The following DOCK9 variants were observed in gnomAD, a reference collection of about 807,000 sequenced individuals.
DOCK9 encodes the protein dedicator of cytokinesis 9, also known as dedicator of cytokinesis protein 9.
In DOCK9, 89 loss-of-function variants were observed where a neutral mutation model predicts 263.3. The observed-to-expected ratio is 0.34, with a 90% confidence interval of 0.28 to 0.40. DOCK9 has a LOEUF of 0.40. Ranked by LOEUF, DOCK9 falls within the 10% of genes least tolerant of loss-of-function variation. The pLI, the probability that DOCK9 is intolerant of heterozygous loss-of-function variation, is 1.00. For synonymous variants in DOCK9, 976 were observed against 973.1 expected, an observed-to-expected ratio of 1.00 and a Z score of -0.06; for missense variants, 2,140 against 2,603.4, an observed-to-expected ratio of 0.82 and a Z score of 3.87.
intron 9 of DOCK9, among the ~76,000 whole-genome samples, chr13:98,912,510 C>A (rs2050221034): frequency 6.6e-6 from 1 of 152,114 alleles, no homozygotes; most frequent in South Asian, 2.1e-4. Flanking sequence ...CTTAACCTAA[C>A]TTGTAACCCA....
chr13:99,072,860 T>A (rs2041741166), intron 1 of DOCK9, among the ~76,000 whole-genome samples: 1 of 152,060 alleles, frequency 6.6e-6, no homozygotes, highest in South Asian at 2.1e-4. Context: ...GAGCCAGGCA[T>A]CATGGCACAC....
At chr13:98,994,658 T>A (rs1188518288) in intron 1 of DOCK9, among the ~76,000 whole-genome samples, 1 of 151,976 alleles carries the variant, frequency 6.6e-6, no homozygotes, top group African/African-American at 2.4e-5. Flanking sequence ...TATGTAATTA[T>A]ATATCTAATA....
In DOCK9 at chr13:98,951,540, G is replaced by A. The variant is rs376796789; in HGVS notation, c.243+3895C>T. Among the ~76,000 whole-genome samples the A allele has an allele frequency of 1.6e-3, 249 of 152,326 alleles. 8 individuals carry two copies. In the South Asian group the frequency reaches 0.047, roughly 29 times the overall value. On this transcript the variant is annotated intron_variant, in intron 2 of 52. Transcript: ENST00000682017. ...CCACAGCACGGGGCGGGATGCCTGC[G>A]TGCAAGAAGCCTAAGAAGTAGGTCG...
At position 98,829,319 on chromosome 13, in the gene DOCK9, G is replaced by A. The variant is rs760897645; in HGVS notation, c.4953C>T (p.Gly1651=). ...DSMARIHVKN[G]DLSEAAMCYV... is the part of the protein sequence containing the mutation. The stretch of plus-strand genomic sequence containing the variant: ...GCAGGGCTACTACCTCTGAGAGATC[G>A]CCATTTTTGACATGGATCCTGGCCA... Residue 1651 remains glycine, a synonymous_variant, in exon 43 of 53, where the codon GGC becomes GGT. Transcript: ENST00000682017. This position sits in a 1 kb window ranked among gnomAD's most constrained non-coding sequence, Gnocchi z 4.1. 21 of 1,611,638 alleles carry A rather than the reference G, an allele frequency of 1.3e-5. No homozygotes were observed. Among genetic ancestry groups the A allele is most frequent in the South Asian group, 7.7e-5 (7 of 90,510 alleles).
upstream of DOCK9, among the ~76,000 whole-genome samples, chr13:98,982,747 G>GAAATTTTT (rs1877501891): frequency 6.6e-6 from 1 of 152,142 alleles, no homozygotes; most frequent in African/African-American, 2.4e-5. Flanking sequence ...GCTTTCAATT[G>GAAATTTTT]CTTGAAAATA....
intron 1 of DOCK9, among the ~76,000 whole-genome samples, chr13:99,078,773 G>A (rs747669335): frequency 6.6e-6 from 1 of 152,180 alleles, no homozygotes; most frequent in South Asian, 2.1e-4. Flanking sequence ...AAGTGGCTTC[G>A]CTCTGAGGGC....
At chr13:99,003,662 G>C (rs55952325) in intron 1 of DOCK9, among the ~76,000 whole-genome samples, 78,815 of 151,340 alleles carry the variant, frequency 0.52, 20,744 homozygotes, top group South Asian at 0.68. Context: ...TTGACTCCTT[G>C]TCTCTTATTT....
chr13:98,852,601 T>C (rs2093604399), intron 35 of DOCK9, among the ~76,000 whole-genome samples: 1 of 152,198 alleles, frequency 6.6e-6, no homozygotes, highest in South Asian at 2.1e-4. Flanking sequence ...AAATGGCACT[T>C]TGTTTTTAGG....
rs755806803 is a variant in DOCK9 at position 98,809,434 on chromosome 13, C to T, written c.5285G>A (p.Arg1762Gln). 35 of 1,611,910 alleles carry T rather than the reference C, an allele frequency of 2.2e-5. No individual in the cohort carries two copies. Among genetic ancestry groups the T allele is most frequent in the African/African-American group, 4.0e-5 (3 of 74,664 alleles). ...RLAHLYDTLH[R>Q]AYSKVTEVMH... ...GACCTCGGTCACTTTGCTGTAGGCC[C>T]GGTGCAGCGTGTCATACAGATGGGC... The change falls in exon 47 of 53, where the codon CGG becomes CAG. Residue 1762 changes from arginine (R) to glutamine (Q), a missense_variant. By Grantham distance (43) the Arg-to-Gln change is conservative (BLOSUM62 1). Around this residue, in one of 2 missense-constraint regions of DOCK9, gnomAD observed 619 missense variants for 861.8 expected, o/e 0.72. Coordinates refer to ENST00000682017, the MANE Select transcript of DOCK9 (RefSeq NM_001366683.2).
At chr13:99,046,873 T>C (rs1490735091) in intron 1 of DOCK9, among the ~76,000 whole-genome samples, 3 of 152,210 alleles carry the variant, frequency 2.0e-5, no homozygotes, top group Non-Finnish European at 4.4e-5. Context: ...AAGTGTAGCT[T>C]TGGATAGGTT....
At chr13:98,967,902 AAT>A (rs1415941025) in intron 1 of DOCK9, among the ~76,000 whole-genome samples, 1 of 152,214 alleles carries the variant, frequency 6.6e-6, no homozygotes, top group Non-Finnish European at 1.5e-5. Context: ...AATACCATCA[AAT>A]ATTTCAAGGC....
chr13:98,942,008 A>C (rs2140555476), intron 2 of DOCK9, among the ~76,000 whole-genome samples: 1 of 152,310 alleles, frequency 6.6e-6, no homozygotes, highest in Admixed American at 6.5e-5. Context: ...AAGGTTTATC[A>C]CTTATGAAAG....
At chr13:98,955,336 T>A (rs1276043650) in intron 2 of DOCK9, 99 bp downstream of exon 2, 3 of 769,380 alleles carry the variant, frequency 3.9e-6, no homozygotes, top group South Asian at 6.0e-5. Context: ...ATAATAATAA[T>A]AATAATTAAC....
At chr13:99,047,517 C>CTTTTTTT (rs80048308) in intron 1 of DOCK9, among the ~76,000 whole-genome samples, 1 of 127,024 alleles carries the variant, frequency 7.9e-6, no homozygotes, top group Non-Finnish European at 1.6e-5. Flanking sequence ...GGTTCTAATC[C>CTTTTTTT]TTTTTTTTTT....
intron 2 of DOCK9, among the ~76,000 whole-genome samples, chr13:98,941,571 G>T (rs1385267389): frequency 6.6e-6 from 1 of 152,154 alleles, no homozygotes; most frequent in Non-Finnish European, 1.5e-5. Context: ...TTTTTGTAAA[G>T]AATTATATAT....
chr13:98,824,519 AGGAG>A lies in DOCK9; in HGVS notation c.5024-19_5024-16del, dbSNP rs1419211361. ...TCTAAACACGCCTAGGAAGAGAGGA[AGGAG>A]GGACAGTCAGAGTTAGGAACCTGAA... On this transcript the variant is annotated splice_polypyrimidine_tract_variant and intron_variant, in intron 44 of 52. Coordinates refer to ENST00000682017, the MANE Select transcript of DOCK9 (RefSeq NM_001366683.2). 1.2e-6 allele frequency: 2 copies of A among 1,611,406 alleles called. No homozygotes were observed. Among genetic ancestry groups the A allele is most frequent in the Non-Finnish European group, 1.7e-6 (2 of 1,177,840 alleles).
At chr13:98,896,749 C>T (rs942832742) in intron 15 of DOCK9, among the ~76,000 whole-genome samples, 1 of 152,182 alleles carries the variant, frequency 6.6e-6, no homozygotes, top group African/African-American at 2.4e-5. Flanking sequence ...GGGAAGCTGC[C>T]GGCCCTGTGA....
intron 52 of DOCK9, 49 bp from the exon 53 acceptor site, chr13:98,794,797 A>C (rs775657930): frequency 6.3e-7 from 1 of 1,598,214 alleles, no homozygotes; most frequent in African/African-American, 1.3e-5. Flanking sequence ...AGGTTACCAT[A>C]TGCAATGCCA....
chr13:98,887,255 T>C (rs2045909418), intron 18 of DOCK9, among the ~76,000 whole-genome samples: 1 of 150,050 alleles, frequency 6.7e-6, no homozygotes, highest in Non-Finnish European at 1.5e-5. Context: ...CTGCCCGGGT[T>C]TGAATCTTGG....
Sources: gnomAD v4.1 joint callset for allele counts (sites outside exome capture counted in the v4.1 genomes callset) on GRCh38, gnomAD v4.1.1 for gene constraint, gnomAD v4.1.1 regional missense constraint, Gnocchi (gnomAD v3.1) non-coding constraint, MANE v1.5 for transcripts, NCBI Gene and HGNC (gene_info 2026-07-23, HGNC 2026-07-21) for gene names.